The following ALMS1 variants were observed in gnomAD, a reference collection of about 807,000 sequenced individuals.
ALMS1 encodes the protein centrosome-associated protein ALMS1.
In ALMS1, 271 loss-of-function variants were observed where a neutral mutation model predicts 352.2. The observed-to-expected ratio is 0.77, with a 90% CI of 0.70 to 0.85. The LOEUF is 0.85. Among genes scored for constraint, ALMS1 ranks in the 40% least tolerant of loss-of-function variants. The pLI is 0.00. For synonymous variants in ALMS1, 1,865 were observed against 1,761.2 expected (o/e 1.06, Z -1.48); for missense variants, 5,445 against 4,870.7 (o/e 1.12, Z -3.51).
chr2:73,514,436 A>C (rs1673514604), intron 10 of ALMS1, among the ~76,000 whole-genome samples: 1 of 151,804 alleles, frequency 6.6e-6, no homozygotes, highest in African/African-American at 2.4e-5. Context: ...GGACAGTTGA[A>C]CTCTATTTAC....
Position 73,395,073 on chromosome 2 carries a change from TATA to T in ALMS1, c.324+8882_324+8884del, listed in dbSNP as rs1215135183. On this transcript the variant is annotated intron_variant, in intron 1 of 22. Transcript: ENST00000613296. The stretch of plus-strand genomic sequence containing the variant: ...ATATATATATGTGTATATATATATA[TATA>T]TATTTTTTTTTTTTTTTTTTTTTGA... Among the ~76,000 whole-genome samples, 105 of 110,800 alleles carry T rather than the reference TATA, an allele frequency of 9.5e-4. 3 individuals carry two copies. Among genetic ancestry groups the T allele is most frequent in the African/African-American group, 2.0e-3 (46 of 22,844 alleles). 72.7% of individuals were successfully genotyped at this position (110,800 alleles called of 152,430 possible).
At chr2:73,392,887 T>C (rs963751626) in intron 1 of ALMS1, among the ~76,000 whole-genome samples, 3 of 152,184 alleles carry the variant, frequency 2.0e-5, no homozygotes, top group East Asian at 1.9e-4. Context: ...TTGGGACATA[T>C]GGAATTCTGT....
At chr2:73,466,142 C>T (rs1442078905) in intron 9 of ALMS1, among the ~76,000 whole-genome samples, 1 of 152,036 alleles carries the variant, frequency 6.6e-6, no homozygotes, top group African/African-American at 2.4e-5. Context: ...GGGTATATAC[C>T]CAAAGGATTA....
At chr2:73,431,101 T>G (rs1320490021) in intron 6 of ALMS1, among the ~76,000 whole-genome samples, 1 of 152,118 alleles carries the variant, frequency 6.6e-6, no homozygotes, top group Non-Finnish European at 1.5e-5. Context: ...TAGGATGTTT[T>G]GCATCATCCA....
chr2:73,474,371 C>CTG (rs377039331), intron 9 of ALMS1, among the ~76,000 whole-genome samples: 10,622 of 95,450 alleles, frequency 0.11, 458 homozygotes, highest in East Asian at 0.25. Context: ...CTTGTTGACT[C>CTG]TGTGTGTGTG....
intron 1 of ALMS1, among the ~76,000 whole-genome samples, chr2:73,402,029 GTGTT>G (rs971911638): frequency 2.9e-5 from 4 of 137,948 alleles, no homozygotes; most frequent in Non-Finnish European, 6.1e-5. Context: ...ATGTGTGTGT[GTGTT>G]ATGTGTGTGT....
At position 73,516,347 on chromosome 2, in the gene ALMS1, G is replaced by A. The variant is rs921019229; in HGVS notation, c.9540-3428G>A. ...AAGGGAAGGCTTGTACACTGTTGGT[G>A]GGAACATAACATAGTTCAGCCACTG... On this transcript the variant is annotated intron_variant, in intron 10 of 22. Transcript: ENST00000613296. Among the ~76,000 whole-genome samples the A allele has an allele frequency of 3.1e-4, 47 of 152,096 alleles. 2 individuals carry two copies. Among genetic ancestry groups the A allele is most frequent in the South Asian group, 2.1e-4 (1 of 4,826 alleles).
rs199603690 is a variant in ALMS1, at chr2:73,602,268, G to A, written c.12198G>A (p.Arg4066=). The A allele has an allele frequency of 4.3e-5, 69 of 1,614,168 alleles. No homozygotes were observed. The Middle Eastern group carries it at 9.9e-4, about 23-fold the overall frequency. ...GCCTGAAGTTAATAGTCCAGGAGAG[G>A]AAGCTGCAGAGCATGTTACAGACCG... ...IKRLKLIVQE[R]KLQSMLQTER... Residue 4066 remains arginine (R), a synonymous_variant, in exon 20 of 23, where the codon AGG becomes AGA. Transcript: ENST00000613296.
At chr2:73,387,738 A>G (rs1670568689) in intron 1 of ALMS1, among the ~76,000 whole-genome samples, 2 of 152,210 alleles carry the variant, frequency 1.3e-5, no homozygotes, top group African/African-American at 4.8e-5. Flanking sequence ...GGTGTATAGC[A>G]GAGTGTGGAA....
chr2:73,390,137 A>C (rs1403989998), intron 1 of ALMS1, among the ~76,000 whole-genome samples: 1 of 152,194 alleles, frequency 6.6e-6, no homozygotes, highest in Non-Finnish European at 1.5e-5. Flanking sequence ...TAGAATATAT[A>C]GATGATTTTC....
chr2:73,536,653 G>T (rs1674035695), intron 12 of ALMS1, among the ~76,000 whole-genome samples: 1 of 152,128 alleles, frequency 6.6e-6, no homozygotes, highest in Non-Finnish European at 1.5e-5. Context: ...GCCAATTAGA[G>T]TTTGGGGCCA....
At chr2:73,513,840 C>G (rs1673501750) in intron 10 of ALMS1, among the ~76,000 whole-genome samples, 1 of 152,134 alleles carries the variant, frequency 6.6e-6, no homozygotes, top group African/African-American at 2.4e-5. Flanking sequence ...TTCTAATACT[C>G]TGTGCTAGGA....
intron 1 of ALMS1, among the ~76,000 whole-genome samples, chr2:73,404,023 G>A (rs377429158): frequency 7.6e-4 from 115 of 152,036 alleles, no homozygotes; most frequent in East Asian, 1.9e-3. Context: ...CCTCAGCTTC[G>A]CAAATAGCTA....
rs142583084 is a variant in ALMS1 at position 73,525,607 on chromosome 2, C to T, written c.9781+5591C>T. On this transcript the variant is annotated intron_variant, in intron 11 of 22. Coordinates refer to ENST00000613296, the MANE Select transcript of ALMS1 (RefSeq NM_001378454.1). The stretch of plus-strand genomic sequence containing the variant: ...GAAATGTTTGTTCAGATCTTTTGCC[C>T]GTTTTTAAATTGGATTATTAGATTT... 2.1e-3 allele frequency among the ~76,000 whole-genome samples: 319 copies of T among 152,016 alleles called. 1 individual carries two copies. Among genetic ancestry groups the T allele is most frequent in the African/African-American group, 6.8e-3 (283 of 41,458 alleles).
chr2:73,545,048 A>G (rs911440255), intron 12 of ALMS1, among the ~76,000 whole-genome samples: 1 of 152,122 alleles, frequency 6.6e-6, no homozygotes, highest in Admixed American at 6.6e-5. Context: ...GGAAGTTACT[A>G]TTTAATGGGT....
At chr2:73,516,605 T>A (rs1028497678) in intron 10 of ALMS1, among the ~76,000 whole-genome samples, 1 of 152,224 alleles carries the variant, frequency 6.6e-6, no homozygotes, top group African/African-American at 2.4e-5. Flanking sequence ...TTGTAAGAAC[T>A]CAGTTGAGGC....
Position 73,425,105 on chromosome 2 carries a change from A to G in ALMS1, c.1237+203A>G, listed in dbSNP as rs149681119. ...TTGCTGCTCATCATCATCATCATAA[A>G]ATGTCATATTCTTTCTTGTGTTGTT... On this transcript the variant is annotated intron_variant, in intron 5 of 22. Coordinates refer to ENST00000613296, the MANE Select transcript of ALMS1 (RefSeq NM_001378454.1). Among the ~76,000 whole-genome samples the G allele has an allele frequency of 6.8e-4, 103 of 152,186 alleles. 1 individual carries two copies. The highest frequency in any genetic ancestry group is 2.3e-3 in the African/African-American group (96 of 41,512).
intron 9 of ALMS1, among the ~76,000 whole-genome samples, chr2:73,456,366 A>G: frequency 6.6e-6 from 1 of 152,160 alleles, no homozygotes; most frequent in Non-Finnish European, 1.5e-5. Context: ...GTGTGTGATT[A>G]CATGATAATT....
intron 9 of ALMS1, chr2:73,471,015 A>G (rs1280528003): frequency 6.6e-6 from 1 of 151,860 alleles, no homozygotes; most frequent in Non-Finnish European, 1.5e-5. Context: ...TCTAGATAGT[A>G]TATAGTTAGA....
Sources: allele counts gnomAD v4.1 joint callset (sites outside exome capture counted in the v4.1 genomes callset), GRCh38; gene constraint gnomAD v4.1.1; transcripts MANE v1.5; gene names NCBI Gene and HGNC (gene_info 2026-07-23, HGNC 2026-07-21).